GALNT3: variants seen among roughly 807,000 people sequenced by gnomAD.
GALNT3 encodes GalNAc transferase 3.
In GALNT3, 51 loss-of-function variants were observed where a neutral mutation model predicts 69.8. The ratio of observed to expected loss-of-function variants is 0.73; its 90% CI spans 0.58 to 0.92. The LOEUF is 0.92. Among genes scored for constraint, GALNT3 ranks in the 40% least tolerant of loss-of-function variants. GALNT3 has a pLI of 0.00. For missense variants in GALNT3, 711 were observed against 760.0 expected (o/e 0.94, Z 0.76); for synonymous variants, 265 against 248.5 (o/e 1.07, Z -0.63).
At position 165,759,506 on chromosome 2, in the gene GALNT3, G is replaced by A. The variant is rs767806161; in HGVS notation, c.903C>T (p.Val301=). ...CTATGGATGCAATATCTGGACTTAC[G>A]ACAGCCGTGTAGTTCTCAGCTATTC... The part of the protein sequence containing the change: ...LARIAENYTA[V]VSPDIASIDL... The change falls in exon 5 of 11, where the codon GTC becomes GTT. Residue 301 remains valine, a synonymous_variant. Coordinates refer to ENST00000392701, the MANE Select transcript of GALNT3 (RefSeq NM_004482.4). The A allele has an allele frequency of 5.6e-6, 9 of 1,613,866 alleles. No homozygotes were observed. The highest frequency in any genetic ancestry group is 4.0e-5 in the African/African-American group (3 of 74,904).
chr2:165,766,175 A>G (rs564834427), intron 2 of GALNT3, among the ~76,000 whole-genome samples: 1 of 152,306 alleles, frequency 6.6e-6, no homozygotes, highest in Non-Finnish European at 1.5e-5. Flanking sequence ...AATTTGATCT[A>G]CTATCAAATA....
At position 165,757,108 on chromosome 2, in the gene GALNT3, A is replaced by T; in HGVS notation, c.1331T>A (p.Met444Lys). The T allele has an allele frequency of 6.2e-7, 1 of 1,614,090 alleles. No individual in the cohort carries two copies. The highest frequency in any genetic ancestry group is 8.5e-7 in the Non-Finnish European group (1 of 1,179,956). ...ATAAAATATTTCCTTGTATTCATCCATCCAGACTTCTGCAAGGCGAACTTG... is the reference window on the plus strand; with the variant it reads ...ATAAAATATTTCCTTGTATTCATCCTTCCAGACTTCTGCAAGGCGAACTTG... ...RNQVRLAEVWMDEYKEIFYRR... is the reference protein window; with the variant it reads ...RNQVRLAEVWKDEYKEIFYRR... Residue 444 changes from methionine (M) to lysine (K), a missense_variant, in exon 7 of 11, where the codon ATG becomes AAG. By Grantham distance (95) the Met-to-Lys change is moderately conservative. Coordinates refer to ENST00000392701, the MANE Select transcript of GALNT3 (RefSeq NM_004482.4).
chr2:165,767,429 T>A (rs1688663296), intron 2 of GALNT3, among the ~76,000 whole-genome samples: 1 of 152,138 alleles, frequency 6.6e-6, no homozygotes, highest in Non-Finnish European at 1.5e-5. Context: ...AGTATAAAAT[T>A]TCACAAAAAT....
upstream of GALNT3, chr2:165,794,453 C>T (rs1683423316): frequency 6.6e-6 from 1 of 152,450 alleles, no homozygotes; most frequent in African/African-American, 2.4e-5. Context: ...AGTTGTGGCT[C>T]CCGGCCCATC....
At position 165,753,595 on chromosome 2, in the gene GALNT3, G is replaced by A. The variant is rs116834875; in HGVS notation, c.1626+1032C>T. Among the ~76,000 whole-genome samples, 350 of 151,964 alleles carry A rather than the reference G, an allele frequency of 2.3e-3. 3 individuals carry two copies. Among genetic ancestry groups the A allele is most frequent in the African/African-American group, 8.1e-3 (336 of 41,424 alleles). ...ACTCATCAGAGTATCTGGCATGCAG[G>A]GCTCACTCAATGAATTTGTTGAATG... is the stretch of plus-strand genomic sequence containing the variant. On this transcript the variant is annotated intron_variant, in intron 9 of 10. Transcript: ENST00000392701.
chr2:165,777,194 T>C (rs1682974888), intron 1 of GALNT3, among the ~76,000 whole-genome samples: 1 of 152,182 alleles, frequency 6.6e-6, no homozygotes, highest in South Asian at 2.1e-4. Flanking sequence ...CTGATGAATT[T>C]AATTGCTGTG....
intron 6 of GALNT3, 104 bp downstream of exon 6, chr2:165,758,643 A>C (rs1688488576): frequency 2.6e-6 from 2 of 755,496 alleles, no homozygotes; most frequent in African/African-American, 1.8e-5. Flanking sequence ...CAGAAAGCAC[A>C]AAAAGTAGAG....
At chr2:165,757,385 G>A (rs1688465135) in intron 6 of GALNT3, 138 bp from the exon 7 acceptor site, 6 of 817,408 alleles carry the variant, frequency 7.3e-6, no homozygotes, top group Non-Finnish European at 1.2e-5. Context: ...TCTGTCCCCT[G>A]CCATTTCAAC....
chr2:165,783,256 A>C (rs1444677010), intron 1 of GALNT3, among the ~76,000 whole-genome samples: 1 of 152,142 alleles, frequency 6.6e-6, no homozygotes, highest in Non-Finnish European at 1.5e-5. Flanking sequence ...AGGAGTGTCT[A>C]CTGGGCCTTT....
rs1573998067 is a variant in GALNT3 at position 165,757,139 on chromosome 2, T to C, written c.1300A>G (p.Arg434Gly). 1.2e-6 allele frequency: 2 copies of C among 1,614,132 alleles called. No individual in the cohort carries two copies. Among genetic ancestry groups the C allele is most frequent in the East Asian group, 2.2e-5 (1 of 44,876 alleles). Residue 434 changes from arginine (R) to glycine (G), a missense_variant, in exon 7 of 11, where the codon AGA becomes GGA. Transcript: ENST00000392701. ...ACTTCTGCAAGGCGAACTTGGTTTC[T>C]AGCAATCACCTGAGTGCCTTTTGGA... Reference protein sequence around the residue: ...SFPKGTQVIARNQVRLAEVWM... With the variant: ...SFPKGTQVIAGNQVRLAEVWM...
chr2:165,765,553 G>C (rs953824281), intron 2 of GALNT3, among the ~76,000 whole-genome samples: 42 of 150,944 alleles, frequency 2.8e-4, no homozygotes, highest in Non-Finnish European at 5.2e-4. Context: ...GCAGTGGCAC[G>C]ATCTCGGCTC....
chr2:165,759,287 A>G (rs766472409), intron 5 of GALNT3, 49 bp downstream of exon 5: 25 of 1,416,430 alleles, frequency 1.8e-5, no homozygotes, highest in South Asian at 3.6e-5. Context: ...TACATATTCA[A>G]TGTATGGTAT....
chr2:165,777,026 C>T (rs897169178), intron 1 of GALNT3, among the ~76,000 whole-genome samples: 5 of 152,046 alleles, frequency 3.3e-5, no homozygotes, highest in African/African-American at 1.2e-4. Context: ...CTAAAAATTC[C>T]AACTGTAGCA....
At chr2:165,786,688 A>G (rs1683230620) in intron 1 of GALNT3, among the ~76,000 whole-genome samples, 1 of 152,170 alleles carries the variant, frequency 6.6e-6, no homozygotes, top group African/African-American at 2.4e-5. Context: ...AACTCATGGA[A>G]ACAGAAGGCG....
intron 1 of GALNT3, among the ~76,000 whole-genome samples, chr2:165,791,719 AAAT>A (rs1180493689): frequency 6.6e-6 from 1 of 152,200 alleles, no homozygotes; most frequent in Non-Finnish European, 1.5e-5. Flanking sequence ...TCAGAAGACT[AAAT>A]AATGTTATCC....
At chr2:165,769,776 C>T (rs1476337382) in intron 2 of GALNT3, among the ~76,000 whole-genome samples, 1 of 152,114 alleles carries the variant, frequency 6.6e-6, no homozygotes, top group Non-Finnish European at 1.5e-5. Flanking sequence ...GTTCCAAAAT[C>T]TTGGCATGTT....
chr2:165,785,191 C>T (rs1245654299), intron 1 of GALNT3, among the ~76,000 whole-genome samples: 2 of 151,956 alleles, frequency 1.3e-5, no homozygotes, highest in African/African-American at 2.4e-5. Context: ...GTTGAAACAA[C>T]CGAGAACTCT....
At chr2:165,765,650 G>T (rs188308599) in intron 2 of GALNT3, among the ~76,000 whole-genome samples, 41 of 151,824 alleles carry the variant, frequency 2.7e-4, no homozygotes, top group Non-Finnish European at 5.0e-4. Flanking sequence ...CACCACACCC[G>T]GCTAATTTTT....
At chr2:165,759,688 T>C (rs1688509846) in intron 4 of GALNT3, 118 bp from the exon 5 acceptor site, 3 of 742,234 alleles carry the variant, frequency 4.0e-6, no homozygotes, top group Non-Finnish European at 4.7e-6. Flanking sequence ...GTTTTGAACA[T>C]GTATATAATG....
Sources: allele counts gnomAD v4.1 joint callset (sites outside exome capture counted in the v4.1 genomes callset), GRCh38; gene constraint gnomAD v4.1.1; transcripts MANE v1.5; gene names NCBI Gene and HGNC (gene_info 2026-07-23, HGNC 2026-07-21).